TOGARAM2: variants seen among roughly 807,000 people sequenced by gnomAD.
The protein encoded by TOGARAM2 is TOG array regulator of axonemal microtubules 2.
TOGARAM2 carries 85 observed loss-of-function variants against 93.3 expected under a neutral mutation model. The ratio of observed to expected loss-of-function variants is 0.91; its 90% CI spans 0.76 to 1.09. The LOEUF (loss-of-function observed/expected upper bound fraction) is 1.09, where lower values mean the gene tolerates loss of function less well. Among genes scored for constraint, TOGARAM2 ranks in the 50% least tolerant of loss-of-function variants. The pLI is 0.00. For missense variants in TOGARAM2, 1,277 were observed against 1,334.5 expected, an observed-to-expected ratio of 0.96 and a Z score of 0.67; for synonymous variants, 593 against 552.8, an observed-to-expected ratio of 1.07 and a Z score of -1.02.
intron 10 of TOGARAM2, among the ~76,000 whole-genome samples, chr2:29,020,496 G>C (rs947347702): frequency 1.3e-5 from 2 of 152,234 alleles, no homozygotes; most frequent in Admixed American, 6.5e-5. Context: ...GACTGAACCA[G>C]AAGGCACAAA....
At chr2:29,045,285 C>G in intron 18 of TOGARAM2, 39 bp from the exon 19 acceptor site, 2 of 1,554,066 alleles carry the variant, frequency 1.3e-6, no homozygotes, top group Non-Finnish European at 1.8e-6. Context: ...TCACTCAGCC[C>G]CCAGCAGTGT....
In TOGARAM2 at chr2:29,014,392, C is replaced by T; in HGVS notation, c.878-3C>T. On this transcript the variant is annotated splice_polypyrimidine_tract_variant and splice_region_variant and intron_variant, in intron 7 of 19. Transcript: ENST00000379558. ...AGCTCCACCCCTGTTCTCAACCCCT[C>T]AGAGCCAAAACCTTTGGCCTCACCC... 6.2e-7 allele frequency: 1 copy of T among 1,610,198 alleles called. No individual in the cohort carries two copies.
At chr2:28,980,175 G>A (rs561578602), upstream of TOGARAM2, among the ~76,000 whole-genome samples, 48 of 151,800 alleles carry the variant, frequency 3.2e-4, no homozygotes, top group Non-Finnish European at 5.8e-4. Context: ...CCTCTGGCTT[G>A]GGGCCAGCAC....
intron 1 of TOGARAM2, among the ~76,000 whole-genome samples, chr2:28,968,064 C>T (rs1352752073): frequency 6.6e-6 from 1 of 151,972 alleles, no homozygotes; most frequent in Non-Finnish European, 1.5e-5. Flanking sequence ...GGTGATCCGC[C>T]CGCCTTGGCC....
upstream of TOGARAM2, among the ~76,000 whole-genome samples, chr2:28,978,933 G>C (rs1371072747): frequency 6.6e-6 from 1 of 152,116 alleles, no homozygotes; most frequent in Non-Finnish European, 1.5e-5. Context: ...TGAGACTCGA[G>C]GCTTAAACAA....
At chr2:29,031,584 G>A (rs1172745299) in intron 14 of TOGARAM2, among the ~76,000 whole-genome samples, 2 of 152,184 alleles carry the variant, frequency 1.3e-5, no homozygotes, top group African/African-American at 4.8e-5. Context: ...TATGAGAAAA[G>A]GCATGGCAAC....
intron 2 of TOGARAM2, among the ~76,000 whole-genome samples, chr2:28,996,955 A>G (rs1219417312): frequency 1.3e-5 from 2 of 151,944 alleles, no homozygotes; most frequent in Non-Finnish European, 2.9e-5. Flanking sequence ...TCATCCATTG[A>G]TGGACACTTA....
rs1402204030 is a variant in TOGARAM2, at chr2:29,023,144, G to A, written c.1570G>A (p.Val524Ile). Reference protein sequence around the residue: ...IQRLAACHSEVLTGKLHDVCL... With the variant: ...IQRLAACHSEILTGKLHDVCL... ...GCGCTTGGCAGCCTGTCACTCAGAG[G>A]TCCTCACCGGGAAGCTGCACGACGT... Residue 524 changes from valine (V) to isoleucine (I), a missense_variant, in exon 12 of 20, where the codon GTC becomes ATC. Val to Ile is a conservative substitution (Grantham distance 29, BLOSUM62 3). Coordinates refer to ENST00000379558, the MANE Select transcript of TOGARAM2 (RefSeq NM_199280.4). The A allele has an allele frequency of 6.2e-7, 1 of 1,602,150 alleles. No individual in the cohort carries two copies. Among genetic ancestry groups the A allele is most frequent in the East Asian group, 2.3e-5 (1 of 44,410 alleles).
intron 19 of TOGARAM2, chr2:29,046,459 T>C (rs1212820216): frequency 6.6e-6 from 1 of 152,354 alleles, no homozygotes; most frequent in Non-Finnish European, 1.5e-5. Context: ...AGACTCCCGA[T>C]GGTCCCCCTG....
At position 29,035,651 on chromosome 2, in the gene TOGARAM2, G is replaced by A. The variant is rs757779849; in HGVS notation, c.2413G>A (p.Val805Ile). Residue 805 changes from valine (V) to isoleucine (I), a missense_variant, in exon 17 of 20, where the codon GTC becomes ATC. Physicochemically the swap from Val to Ile is conservative, Grantham distance 29. Coordinates refer to ENST00000379558, the MANE Select transcript of TOGARAM2 (RefSeq NM_199280.4). The stretch of plus-strand genomic sequence containing the variant: ...GACGGAGCTTGTCACTGCCCACCTG[G>A]TCCAGGTGAGCACCGCTTGCTTTTA... ...AKTELVTAHLVQVFDAFTPRL... is the reference protein window; with the variant it reads ...AKTELVTAHLIQVFDAFTPRL... The A allele has an allele frequency of 2.0e-6, 3 of 1,475,452 alleles. No individual in the cohort carries two copies. The highest frequency in any genetic ancestry group is 2.7e-6 in the Non-Finnish European group (3 of 1,106,292). The allele number at this position is 1,475,452 out of a possible 1,614,324, so 91.4% of individuals were successfully genotyped here.
At chr2:29,014,338 G>T in intron 7 of TOGARAM2, 57 bp from the exon 8 acceptor site, 1 of 1,569,206 alleles carries the variant, frequency 6.4e-7, no homozygotes, top group Non-Finnish European at 8.7e-7. Flanking sequence ...CACAGGGTCA[G>T]TGAGCTCAGC....
rs1353064293 is a variant in TOGARAM2, at chr2:28,958,319, CTTTTGGGACAGGG to C, written c.-147+1624_-147+1636del. Among the ~76,000 whole-genome samples, 5 of 136,866 alleles carry C rather than the reference CTTTTGGGACAGGG, an allele frequency of 3.7e-5. No homozygotes were observed. In the East Asian group the frequency reaches 1.1e-3, roughly 30 times the overall value. The allele number at this position is 136,866 out of a possible 152,430, so 89.8% of individuals were successfully genotyped here. On this transcript the variant is annotated intron_variant, in intron 1 of 6. Coordinates refer to the TOGARAM2 transcript ENST00000401723. ...CCTTGTTTTTTTTTTTTTTCCTTTT[CTTTTGGGACAGGG>C]TCTTGCCCTGTTTTTCAGGCTGGAG... is the stretch of plus-strand genomic sequence containing the variant.
chr2:29,048,165 C>A (rs4666163), intron 19 of TOGARAM2: 57,223 of 151,880 alleles, frequency 0.38, 11,394 homozygotes, highest in Admixed American at 0.44. Flanking sequence ...CCCCTTATAA[C>A]CTTTTAAAAC....
At chr2:28,963,473 C>T (rs1026155342) in intron 1 of TOGARAM2, among the ~76,000 whole-genome samples, 1 of 152,158 alleles carries the variant, frequency 6.6e-6, no homozygotes, top group Admixed American at 6.5e-5. Context: ...CTTCTAGTCT[C>T]AAATGATCCT....
intron 15 of TOGARAM2, 90 bp downstream of exon 15, chr2:29,033,141 G>A: frequency 9.7e-7 from 1 of 1,030,448 alleles, no homozygotes; most frequent in Non-Finnish European, 1.5e-6. Context: ...TCAGGGGAGT[G>A]GGGAGTGGAT....
chr2:29,022,031 A>C, intron 10 of TOGARAM2, 127 bp from the exon 11 acceptor site: 1 of 1,256,898 alleles, frequency 8.0e-7, no homozygotes, highest in Non-Finnish European at 1.1e-6. Flanking sequence ...CCACTTGTAC[A>C]CCCTCCCTGT....
At chr2:28,978,405 T>C (rs941829264), upstream of TOGARAM2, among the ~76,000 whole-genome samples, 6 of 152,158 alleles carry the variant, frequency 3.9e-5, no homozygotes, top group African/African-American at 1.4e-4. Context: ...GATGCTCAGG[T>C]CATTTGCAAT....
chr2:29,035,340 C>T (rs1666023728), intron 16 of TOGARAM2, 124 bp from the exon 17 acceptor site: 8 of 877,804 alleles, frequency 9.1e-6, no homozygotes, highest in Non-Finnish European at 1.2e-5. Flanking sequence ...TGGGGGTGGA[C>T]TAACCTGCAG....
chr2:29,010,666 G>A (rs939303068), intron 6 of TOGARAM2, among the ~76,000 whole-genome samples: 5 of 151,976 alleles, frequency 3.3e-5, no homozygotes, highest in African/African-American at 9.7e-5. Flanking sequence ...GATGTCCACC[G>A]AGAAGGGAAA....
Sources: allele counts gnomAD v4.1 joint callset (sites outside exome capture counted in the v4.1 genomes callset), GRCh38; gene constraint gnomAD v4.1.1; transcripts MANE v1.5; gene names NCBI Gene and HGNC (gene_info 2026-07-23, HGNC 2026-07-21).